LIN28B: variants seen among roughly 807,000 people sequenced by gnomAD.
The protein encoded by LIN28B is lin-28 RNA binding posttranscriptional regulator B.
Under a neutral mutation model 21.9 loss-of-function variants are expected in LIN28B, and 5 were observed. That is an observed-to-expected ratio of 0.23 (90% CI 0.12 to 0.48). LIN28B has a LOEUF of 0.48. Ranked by LOEUF, LIN28B falls within the 20% of genes least tolerant of loss-of-function variation. The probability of loss-of-function intolerance (pLI) is 0.98; values close to 1 mark genes in which losing one functional copy is unlikely to be tolerated. For missense variants in LIN28B, 245 were observed against 310.5 expected (o/e 0.79, Z 1.58); for synonymous variants, 109 against 111.3 (o/e 0.98, Z 0.13).
intron 2 of LIN28B, among the ~76,000 whole-genome samples, chr6:104,996,415 G>A (rs1278721980): frequency 6.6e-6 from 1 of 152,188 alleles, no homozygotes; most frequent in East Asian, 1.9e-4. Context: ...AATTGTTTAT[G>A]TTCAACAGAA....
intron 1 of LIN28B, 22 bp from the exon 2 acceptor site, chr6:104,958,077 T>C: frequency 1.3e-6 from 2 of 1,524,628 alleles, no homozygotes; most frequent in Non-Finnish European, 1.8e-6. Flanking sequence ...CAGACTGACT[T>C]TTTTGTCCTG....
chr6:105,051,207 G>A (rs1464979824), intron 3 of LIN28B, among the ~76,000 whole-genome samples: 6 of 151,612 alleles, frequency 4.0e-5, no homozygotes, highest in Admixed American at 1.3e-4. Context: ...TTGGGAGGCC[G>A]AGTCGGGTGG....
At chr6:105,013,514 G>T (rs1211985894) in intron 2 of LIN28B, among the ~76,000 whole-genome samples, 1 of 151,846 alleles carries the variant, frequency 6.6e-6, no homozygotes. Flanking sequence ...GAGGCAGGAG[G>T]ATTGCTTGAG....
Position 105,078,434 on chromosome 6 carries a change from T to C in LIN28B, c.404T>C (p.Leu135Pro). 6.2e-7 allele frequency: 1 copy of C among 1,606,478 alleles called. No homozygotes were observed. The highest frequency in any genetic ancestry group is 1.1e-5 in the South Asian group (1 of 90,894). ...TGTAGATGCTACAACTGTGGTGGCC[T>C]TGATCATCATGCTAAGGAATGTAGT... The part of the protein sequence containing the change: ...KGDRCYNCGG[L>P]DHHAKECSLP... The change falls in exon 4 of 4, where the codon CTT (leucine) becomes CCT (proline). Residue 135 changes from leucine (L) to proline (P), a missense_variant. Physicochemically the swap from Leu to Pro is moderately conservative, Grantham distance 98. Transcript: ENST00000345080.
intron 3 of LIN28B, among the ~76,000 whole-genome samples, chr6:105,066,641 A>G (rs773375202): frequency 9.2e-5 from 14 of 152,088 alleles, no homozygotes; most frequent in Non-Finnish European, 1.9e-4. Flanking sequence ...TATTTTGTAT[A>G]CCTAAGGTAT....
Position 105,053,978 on chromosome 6 carries a change from A to T in LIN28B, c.384-24436A>T, listed in dbSNP as rs114234021. 4.0e-3 allele frequency among the ~76,000 whole-genome samples: 608 copies of T among 152,260 alleles called. 5 individuals are homozygous for T. The highest frequency in any genetic ancestry group is 0.014 in the African/African-American group (587 of 41,536). ...ACACTGGTCTCAAACACCTGATCTC[A>T]GGTGATCCACCTGCCTCGGCCTCCC... On this transcript the variant is annotated intron_variant, in intron 3 of 3. Transcript: ENST00000345080.
At chr6:104,986,979 G>GT (rs1438444001) in intron 2 of LIN28B, among the ~76,000 whole-genome samples, 1 of 152,074 alleles carries the variant, frequency 6.6e-6, no homozygotes, top group African/African-American at 2.4e-5. Context: ...TCTTCTCTTT[G>GT]TTTTTCAGAC....
intron 3 of LIN28B, among the ~76,000 whole-genome samples, chr6:105,064,304 A>G (rs221628): frequency 0.8 from 121,052 of 152,164 alleles, 48,658 homozygotes; most frequent in Non-Finnish European, 0.86. Context: ...TTGTAGATCA[A>G]GTATATTGAC....
At position 105,082,181 on chromosome 6, in the gene LIN28B, G is replaced by T. The variant is rs1341971704; in HGVS notation, c.*3398G>T. On this transcript the variant is annotated 3_prime_UTR_variant, in exon 4 of 4. Coordinates refer to ENST00000345080, the MANE Select transcript of LIN28B (RefSeq NM_001004317.4). ...CTTGGATGTATTTTTGCAGTTGAAAGATTTAGAAAGATTTTTACCTGCTTA... is the reference window on the plus strand; with the variant it reads ...CTTGGATGTATTTTTGCAGTTGAAATATTTAGAAAGATTTTTACCTGCTTA... 3.3e-5 allele frequency: 5 copies of T among 152,626 alleles called. No homozygotes were observed. The highest frequency in any genetic ancestry group is 1.2e-4 in the African/African-American group (5 of 41,460). The allele number at this position is 152,626 out of a possible 1,614,324, so 9.5% of individuals were successfully genotyped here.
At chr6:104,981,976 T>A (rs1353785810) in intron 2 of LIN28B, among the ~76,000 whole-genome samples, 1 of 151,890 alleles carries the variant, frequency 6.6e-6, no homozygotes, top group Non-Finnish European at 1.5e-5. Context: ...TACATAAAGG[T>A]GTTTGTGCAT....
At chr6:105,026,170 C>G in intron 2 of LIN28B, 128 bp from the exon 3 acceptor site, 1 of 504,006 alleles carries the variant, frequency 2.0e-6, no homozygotes, top group East Asian at 3.3e-5. Flanking sequence ...TTTCACTGAA[C>G]TTAAGACTTT....
intron 2 of LIN28B, among the ~76,000 whole-genome samples, chr6:104,938,178 G>A (rs1306193370): frequency 2.6e-5 from 4 of 151,766 alleles, no homozygotes; most frequent in Admixed American, 6.6e-5. Flanking sequence ...CCAGGAGGTC[G>A]AAGCTGCAGT....
intron 2 of LIN28B, among the ~76,000 whole-genome samples, chr6:105,023,752 GAAT>G (rs1360507439): frequency 2.1e-5 from 3 of 139,712 alleles, no homozygotes; most frequent in Non-Finnish European, 4.5e-5. Context: ...TATTCTTTCA[GAAT>G]ATCATGAACA....
At chr6:104,942,760 C>T (rs1468236278) in intron 2 of LIN28B, among the ~76,000 whole-genome samples, 1 of 152,082 alleles carries the variant, frequency 6.6e-6, no homozygotes, top group Non-Finnish European at 1.5e-5. Flanking sequence ...GCCTCTTCTA[C>T]CAATGAATAA....
intron 2 of LIN28B, among the ~76,000 whole-genome samples, chr6:104,996,980 G>A (rs530148573): frequency 6.6e-6 from 1 of 151,944 alleles, no homozygotes; most frequent in Admixed American, 6.6e-5. Context: ...TGAAACCTTG[G>A]TTTTTAAAAG....
chr6:105,023,345 TA>T (rs1771184906), intron 2 of LIN28B, among the ~76,000 whole-genome samples: 1 of 22,764 alleles, frequency 4.4e-5, no homozygotes, highest in Non-Finnish European at 7.0e-5. Flanking sequence ...ATATTATATA[TA>T]ATATATATAA....
intron 3 of LIN28B, among the ~76,000 whole-genome samples, chr6:105,034,054 T>C (rs1453094664): frequency 6.6e-6 from 1 of 151,926 alleles, no homozygotes; most frequent in Non-Finnish European, 1.5e-5. Flanking sequence ...TAATACTTGG[T>C]GAATAAAAAT....
intron 2 of LIN28B, among the ~76,000 whole-genome samples, chr6:105,025,396 T>C (rs964045736): frequency 1.3e-5 from 2 of 152,320 alleles, no homozygotes; most frequent in Non-Finnish European, 2.9e-5. Flanking sequence ...CCAAATAATA[T>C]TTGAAACCAA....
intron 3 of LIN28B, among the ~76,000 whole-genome samples, chr6:105,053,730 T>C (rs1562108186): frequency 6.6e-6 from 1 of 151,864 alleles, no homozygotes; most frequent in Non-Finnish European, 1.5e-5. Context: ...TGTGTGTGTG[T>C]GTGTGTGTGT....
Sources: allele counts gnomAD v4.1 joint callset (sites outside exome capture counted in the v4.1 genomes callset), GRCh38; gene constraint gnomAD v4.1.1; transcripts MANE v1.5; gene names NCBI Gene and HGNC (gene_info 2026-07-23, HGNC 2026-07-21).